Variants in NSMCE3 observed in about 807,000 individuals in gnomAD.
NSMCE3 encodes the protein NSE3 component of SMC5/6 complex.
For missense variants in NSMCE3, 452 were observed against 399.5 expected (o/e 1.13, Z -1.12); for synonymous variants, 214 against 172.2 (o/e 1.24, Z -1.90).
Position 29,268,637 on chromosome 15 carries a change from A to G in NSMCE3, c.*154T>C. 1 of 652,412 alleles carries G rather than the reference A, an allele frequency of 1.5e-6. No homozygotes were observed. The highest frequency in any genetic ancestry group is 2.4e-6 in the Non-Finnish European group (1 of 422,570). 40.4% of individuals were successfully genotyped at this position (652,412 alleles called of 1,614,324 possible). A position where few individuals can be genotyped will look rare whatever the true frequency, so the allele number is the denominator to read the frequency against. ...TCTGGAGCAAAATAACACAACATTA[A>G]AAAAACAAAACTTTGCAAACACATC... is the stretch of plus-strand genomic sequence containing the variant. On this transcript the variant is annotated 3_prime_UTR_variant, in exon 1 of 1. Transcript: ENST00000332303.
chr15:29,268,685 G>C lies in NSMCE3; in HGVS notation c.*106C>G. On this transcript the variant is annotated 3_prime_UTR_variant, in exon 1 of 1. Coordinates refer to ENST00000332303, the MANE Select transcript of NSMCE3 (RefSeq NM_138704.4). Reference sequence around the variant, plus strand: ...ATCCTAAAGCTACACACATTGAAGCGTTTACAGCAATATGCTCCCTGGGTT... The same window carrying C: ...ATCCTAAAGCTACACACATTGAAGCCTTTACAGCAATATGCTCCCTGGGTT... 3 of 1,163,804 alleles carry C rather than the reference G, an allele frequency of 2.6e-6. No individual in the cohort carries two copies. The highest frequency in any genetic ancestry group is 3.6e-6 in the Non-Finnish European group (3 of 828,772). The allele number at this position is 1,163,804 out of a possible 1,614,324, so 72.1% of individuals were successfully genotyped here. A position where few individuals can be genotyped will look rare whatever the true frequency, so the allele number is the denominator to read the frequency against.
In NSMCE3 at chr15:29,268,549, C is replaced by A; in HGVS notation, c.*242G>T. ...TTTCCAATTCGTTTTACTAAGCTAG[C>A]AAAATTTTTTATACCAAAAAGAGTA... On this transcript the variant is annotated 3_prime_UTR_variant, in exon 1 of 1. Coordinates refer to ENST00000332303, the MANE Select transcript of NSMCE3 (RefSeq NM_138704.4). 4.5e-6 allele frequency: 2 copies of A among 442,864 alleles called. No homozygotes were observed. The highest frequency in any genetic ancestry group is 3.9e-6 in the Non-Finnish European group (1 of 254,602). The allele number at this position is 442,864 out of a possible 1,614,324, so 27.4% of individuals were successfully genotyped here.
At position 29,269,170 on chromosome 15, in the gene NSMCE3, A is replaced by G. The variant is rs986105161; in HGVS notation, c.536T>C (p.Leu179Pro). 3 of 1,614,012 alleles carry G rather than the reference A, an allele frequency of 1.9e-6. No homozygotes were observed. Among genetic ancestry groups the G allele is most frequent in the Non-Finnish European group, 2.5e-6 (3 of 1,180,028 alleles). Residue 179 changes from leucine (L) to proline (P), a missense_variant, in exon 1 of 1, where the codon CTG becomes CCG. Physicochemically the swap from Leu to Pro is moderately conservative, Grantham distance 98. Transcript: ENST00000332303. ...AAAGATGAGCCCTAAGACGATCATC[A>G]GGAGGCCCGTAGTGGGCGTGCCTTG... ...GDQGTPTTGL[L>P]MIVLGLIFMK...
Position 29,269,800 on chromosome 15 carries a change from C to T in NSMCE3, c.-95G>A, listed in dbSNP as rs897265441. 11 of 1,201,968 alleles carry T rather than the reference C, an allele frequency of 9.2e-6. No homozygotes were observed. The highest frequency in any genetic ancestry group is 1.8e-5 in the South Asian group (1 of 55,460). 74.5% of individuals were successfully genotyped at this position (1,201,968 alleles called of 1,614,324 possible). A position where few individuals can be genotyped will look rare whatever the true frequency, so the allele number is the denominator to read the frequency against. On this transcript the variant is annotated 5_prime_UTR_variant, in exon 1 of 1. Coordinates refer to ENST00000332303, the MANE Select transcript of NSMCE3 (RefSeq NM_138704.4). ...ACCCGCTAACGCCGGTGCCTGGAGGCGCGCGCAGTGTCGGCTGAGACTGCG... is the reference window on the plus strand; with the variant it reads ...ACCCGCTAACGCCGGTGCCTGGAGGTGCGCGCAGTGTCGGCTGAGACTGCG...
rs1044217328 is a variant in NSMCE3, at chr15:29,269,515, G to A, written c.191C>T (p.Ser64Leu). Reference protein sequence around the residue: ...PGGSQGSQGPSPQGARRAQAA... With the variant: ...PGGSQGSQGPLPQGARRAQAA... ...CTGGGCCCGGCGGGCGCCCTGAGGC[G>A]AGGGGCCCTGCGACCCCTGCGAGCC... is the stretch of plus-strand genomic sequence containing the variant. Residue 64 changes from serine to leucine, a missense_variant, in exon 1 of 1, where the codon TCG becomes TTG. Transcript: ENST00000332303. 1 of 1,589,142 alleles carries A rather than the reference G, an allele frequency of 6.3e-7. No individual in the cohort carries two copies. The highest frequency in any genetic ancestry group is 1.4e-5 in the African/African-American group (1 of 73,040).
Position 29,269,798 on chromosome 15 carries a change from G to T in NSMCE3, c.-93C>A. On this transcript the variant is annotated 5_prime_UTR_variant, in exon 1 of 1. Transcript: ENST00000332303. ...CGACCCGCTAACGCCGGTGCCTGGA[G>T]GCGCGCGCAGTGTCGGCTGAGACTG... 1 of 1,226,148 alleles carries T rather than the reference G, an allele frequency of 8.2e-7. No homozygotes were observed. Among genetic ancestry groups the T allele is most frequent in the Non-Finnish European group, 1.1e-6 (1 of 932,526 alleles). The allele number at this position is 1,226,148 out of a possible 1,614,324, so 76.0% of individuals were successfully genotyped here. A position where few individuals can be genotyped will look rare whatever the true frequency, so the allele number is the denominator to read the frequency against.
In NSMCE3 at chr15:29,265,171, C is replaced by T. The variant is rs1358548947; in HGVS notation, c.*3620G>A. 2 of 152,066 alleles carry T rather than the reference C, an allele frequency of 1.3e-5. No individual in the cohort carries two copies. Among genetic ancestry groups the T allele is most frequent in the Non-Finnish European group, 2.9e-5 (2 of 68,018 alleles). 9.4% of individuals were successfully genotyped at this position (152,066 alleles called of 1,614,324 possible). A position where few individuals can be genotyped will look rare whatever the true frequency, so the allele number is the denominator to read the frequency against. On this transcript the variant is annotated 3_prime_UTR_variant, in exon 1 of 1. Coordinates refer to ENST00000332303, the MANE Select transcript of NSMCE3 (RefSeq NM_138704.4). ...AAAACTCTTAACAGCAAACATCACA[C>T]TCTATGGCAAAACTTAAAATTATTT...
At position 29,269,745 on chromosome 15, in the gene NSMCE3, A is replaced by C; in HGVS notation, c.-40T>G. On this transcript the variant is annotated 5_prime_UTR_variant, in exon 1 of 1. Transcript: ENST00000332303. ...GTGCCGGCGCACACTCCGGTAGGCA[A>C]GCAGCCGCGGCGGGGATTGCGGGTC... 6.9e-7 allele frequency: 1 copy of C among 1,438,954 alleles called. No individual in the cohort carries two copies. The highest frequency in any genetic ancestry group is 2.9e-5 in the East Asian group (1 of 34,792). 89.1% of individuals were successfully genotyped at this position (1,438,954 alleles called of 1,614,324 possible).
rs1400077448 is a variant in NSMCE3 at position 29,269,162 on chromosome 15, C to G, written c.544G>C (p.Val182Leu). The change falls in exon 1 of 1, where the codon GTC becomes CTC. Residue 182 changes from valine (V) to leucine (L), a missense_variant. Coordinates refer to ENST00000332303, the MANE Select transcript of NSMCE3 (RefSeq NM_138704.4). Reference sequence around the variant, plus strand: ...CCCTTCATAAAGATGAGCCCTAAGACGATCATCAGGAGGCCCGTAGTGGGC... The same window carrying G: ...CCCTTCATAAAGATGAGCCCTAAGAGGATCATCAGGAGGCCCGTAGTGGGC... ...GTPTTGLLMIVLGLIFMKGNT... is the reference protein window; with the variant it reads ...GTPTTGLLMILLGLIFMKGNT... 2 of 1,614,020 alleles carry G rather than the reference C, an allele frequency of 1.2e-6. No homozygotes were observed. The highest frequency in any genetic ancestry group is 1.3e-5 in the African/African-American group (1 of 74,904).
rs1217573038 is a variant in NSMCE3, at chr15:29,267,636, A to G, written c.*1155T>C. The G allele has an allele frequency of 6.6e-6, 1 of 152,164 alleles. No homozygotes were observed. Among genetic ancestry groups the G allele is most frequent in the East Asian group, 1.9e-4 (1 of 5,192 alleles). The allele number at this position is 152,164 out of a possible 1,614,324, so 9.4% of individuals were successfully genotyped here. On this transcript the variant is annotated 3_prime_UTR_variant, in exon 1 of 1. Transcript: ENST00000332303. ...GTGGGGCACACTCACCATACACGTT[A>G]TATTTCCCCATACAATAGAGTGAGA...
Position 29,269,561 on chromosome 15 carries a change from TC to T in NSMCE3, c.144del (p.Ser49AlafsTer39), listed in dbSNP as rs2043564993. On this transcript the variant is annotated frameshift_variant, in exon 1 of 1. Coordinates refer to ENST00000332303, the MANE Select transcript of NSMCE3 (RefSeq NM_138704.4). LOFTEE classifies it low-confidence loss of function (END_TRUNC). ...GAGCCGCCCGGCCCGCGGGACGTGC[TC>T]GGGGCCTCCTCGGCAAAGCCGTCTC... ...VLRDGFAEEA[P>X]STSRGPGGSQ... 4.6e-6 allele frequency: 7 copies of T among 1,525,136 alleles called. No homozygotes were observed. Among genetic ancestry groups the T allele is most frequent in the Non-Finnish European group, 6.1e-6 (7 of 1,140,306 alleles). The allele number at this position is 1,525,136 out of a possible 1,614,324, so 94.5% of individuals were successfully genotyped here. A position where few individuals can be genotyped will look rare whatever the true frequency, so the allele number is the denominator to read the frequency against.
In NSMCE3 at chr15:29,269,772, G is replaced by C. The variant is rs929883423; in HGVS notation, c.-67C>G. 56 of 1,374,862 alleles carry C rather than the reference G, an allele frequency of 4.1e-5. No individual in the cohort carries two copies. Among genetic ancestry groups the C allele is most frequent in the Non-Finnish European group, 5.2e-5 (55 of 1,060,660 alleles). 85.2% of individuals were successfully genotyped at this position (1,374,862 alleles called of 1,614,324 possible). A position where few individuals can be genotyped will look rare whatever the true frequency, so the allele number is the denominator to read the frequency against. ...CAGCCGCGGCGGGGATTGCGGGTCG[G>C]CGACCCGCTAACGCCGGTGCCTGGA... On this transcript the variant is annotated 5_prime_UTR_variant, in exon 1 of 1. Coordinates refer to ENST00000332303, the MANE Select transcript of NSMCE3 (RefSeq NM_138704.4).
rs562938657 is a variant in NSMCE3, at chr15:29,269,606, C to A, written c.100G>T (p.Glu34Ter). 1.3e-6 allele frequency: 2 copies of A among 1,560,852 alleles called. No individual in the cohort carries two copies. Among genetic ancestry groups the A allele is most frequent in the Non-Finnish European group, 1.7e-6 (2 of 1,157,804 alleles). ...SGNPGASRAG[E>*]DARVLRDGFA... ...CCGTCTCTGAGAACCCGGGCGTCTTCCCCGGCCCGCGAAGCCCCGGGGTTT... is the reference window on the plus strand; with the variant it reads ...CCGTCTCTGAGAACCCGGGCGTCTTACCCGGCCCGCGAAGCCCCGGGGTTT... The change falls in exon 1 of 1, where the codon GAA becomes TAA. Residue 34 changes from glutamate to a stop codon, truncating the protein, a stop_gained. Transcript: ENST00000332303. LOFTEE classifies it low-confidence loss of function (END_TRUNC).
At position 29,269,393 on chromosome 15, in the gene NSMCE3, GA is replaced by G; in HGVS notation, c.312del (p.Pro105ArgfsTer8). On this transcript the variant is annotated frameshift_variant, in exon 1 of 1. Coordinates refer to ENST00000332303, the MANE Select transcript of NSMCE3 (RefSeq NM_138704.4). LOFTEE classifies it low-confidence loss of function (END_TRUNC). ...TTCAGTATGTCGGCCCGCTTGATCG[GA>G]ATCTTCTTCTGGTCTTTAATCAGCA... Reference protein sequence around the residue: ...QFLLIKDQKKIPIKRADILKH... With the variant: ...QFLLIKDQKKXPIKRADILKH... The G allele has an allele frequency of 6.2e-7, 1 of 1,614,156 alleles. No homozygotes were observed. The highest frequency in any genetic ancestry group is 8.5e-7 in the Non-Finnish European group (1 of 1,180,034).
At position 29,268,546 on chromosome 15, in the gene NSMCE3, T is replaced by C; in HGVS notation, c.*245A>G. 1 of 443,222 alleles carries C rather than the reference T, an allele frequency of 2.3e-6. No homozygotes were observed. The highest frequency in any genetic ancestry group is 3.9e-6 in the Non-Finnish European group (1 of 254,012). The allele number at this position is 443,222 out of a possible 1,614,324, so 27.5% of individuals were successfully genotyped here. A position where few individuals can be genotyped will look rare whatever the true frequency, so the allele number is the denominator to read the frequency against. On this transcript the variant is annotated 3_prime_UTR_variant, in exon 1 of 1. Coordinates refer to ENST00000332303, the MANE Select transcript of NSMCE3 (RefSeq NM_138704.4). ...AGTTTTCCAATTCGTTTTACTAAGC[T>C]AGCAAAATTTTTTATACCAAAAAGA...
At position 29,267,288 on chromosome 15, in the gene NSMCE3, A is replaced by T. The variant is rs992117040; in HGVS notation, c.*1503T>A. On this transcript the variant is annotated 3_prime_UTR_variant, in exon 1 of 1. Transcript: ENST00000332303. ...TGCAGCACCTCCCCCTAAAACAATT[A>T]ACTTATTTGCCCACTGAATAAAACG... is the stretch of plus-strand genomic sequence containing the variant. 6 of 152,206 alleles carry T rather than the reference A, an allele frequency of 3.9e-5. No homozygotes were observed. Among genetic ancestry groups the T allele is most frequent in the Non-Finnish European group, 8.8e-5 (6 of 68,032 alleles). The allele number at this position is 152,206 out of a possible 1,614,324, so 9.4% of individuals were successfully genotyped here. A position where few individuals can be genotyped will look rare whatever the true frequency, so the allele number is the denominator to read the frequency against.
Position 29,269,673 on chromosome 15 carries a change from A to C in NSMCE3, c.33T>G (p.Ser11=), listed in dbSNP as rs2043570330. ...CTCTGTCCCTCTCGGCCTGGCCGCC[A>C]GAGCGGCCCCGGTTCCTCGGTTTTT... MLQKPRNRGR[S]GGQAERDRDW... is the part of the protein sequence containing the mutation. The change falls in exon 1 of 1, where the codon TCT becomes TCG. Residue 11 remains serine (S), a synonymous_variant. Coordinates refer to ENST00000332303, the MANE Select transcript of NSMCE3 (RefSeq NM_138704.4). 1 of 1,557,832 alleles carries C rather than the reference A, an allele frequency of 6.4e-7. No homozygotes were observed. The highest frequency in any genetic ancestry group is 1.9e-5 in the Admixed American group (1 of 51,656).
rs2043526056 is a variant in NSMCE3 at position 29,268,351 on chromosome 15, T to G, written c.*440A>C. 6.4e-6 allele frequency: 1 copy of G among 157,450 alleles called. No homozygotes were observed. Among genetic ancestry groups the G allele is most frequent in the South Asian group, 2.0e-4 (1 of 4,906 alleles). 9.8% of individuals were successfully genotyped at this position (157,450 alleles called of 1,614,324 possible). ...CGAAATATAGAAAAATAAAATAGGT[T>G]AACATAATAAGGATATAGGCAATTA... On this transcript the variant is annotated 3_prime_UTR_variant, in exon 1 of 1. Coordinates refer to ENST00000332303, the MANE Select transcript of NSMCE3 (RefSeq NM_138704.4).
rs1354367896 is a variant in NSMCE3, at chr15:29,268,995, C to A, written c.711G>T (p.Arg237=). Residue 237 remains arginine (R), a synonymous_variant, in exon 1 of 1, where the codon CGG becomes CGT. Transcript: ENST00000332303. ...AGTCGACGGGGTCGGTGTGGGGTATCCGCCGGTATTCCAGGTAACGCTGTC... is the reference window on the plus strand; with the variant it reads ...AGTCGACGGGGTCGGTGTGGGGTATACGCCGGTATTCCAGGTAACGCTGTC... ...FVRQRYLEYR[R]IPHTDPVDYE... The A allele has an allele frequency of 3.7e-6, 6 of 1,614,174 alleles. No individual in the cohort carries two copies. The highest frequency in any genetic ancestry group is 5.1e-6 in the Non-Finnish European group (6 of 1,180,036).
Sources: allele counts gnomAD v4.1 joint callset, GRCh38; gene constraint gnomAD v4.1.1; transcripts MANE v1.5; gene names NCBI Gene and HGNC (gene_info 2026-07-23, HGNC 2026-07-21).